Variants in N4BP2L2 observed in about 807,000 individuals in gnomAD.
N4BP2L2 encodes the protein NEDD4 binding protein 2 like 2, also known as NEDD4-binding protein 2-like 2.
N4BP2L2 carries 50 observed loss-of-function variants against 56.2 expected under a neutral mutation model. That is an observed-to-expected ratio of 0.89 (90% CI 0.71 to 1.13). The LOEUF (loss-of-function observed/expected upper bound fraction) is 1.13. N4BP2L2 is among the 50% of genes most tolerant of loss of function. The pLI is 0.00. For missense variants in N4BP2L2, 689 were observed against 693.8 expected, an observed-to-expected ratio of 0.99 and a Z score of 0.08; for synonymous variants, 203 against 223.6, an observed-to-expected ratio of 0.91 and a Z score of 0.82.
intron 6 of N4BP2L2, among the ~76,000 whole-genome samples, chr13:32,458,679 C>T (rs1474677483): frequency 6.6e-6 from 1 of 152,132 alleles, no homozygotes; most frequent in East Asian, 1.9e-4. Flanking sequence ...GACTCTAGAA[C>T]AATAATATTA....
chr13:32,490,988 C>G (rs1246733581), intron 6 of N4BP2L2, among the ~76,000 whole-genome samples: 1 of 133,556 alleles, frequency 7.5e-6, no homozygotes, highest in African/African-American at 2.8e-5. Flanking sequence ...TCATTTTTCA[C>G]CCAGATTAAA....
chr13:32,473,758 C>G (rs745945126), intron 6 of N4BP2L2, among the ~76,000 whole-genome samples: 7 of 152,172 alleles, frequency 4.6e-5, no homozygotes, highest in Non-Finnish European at 7.3e-5. Context: ...TGCCTTTCTC[C>G]CATAGTCACG....
At chr13:32,497,828 A>G (rs1187243018) in intron 6 of N4BP2L2, among the ~76,000 whole-genome samples, 1 of 152,188 alleles carries the variant, frequency 6.6e-6, no homozygotes, top group African/African-American at 2.4e-5. Context: ...ATGTCCACAG[A>G]TGTTTCCTTC....
chr13:32,517,098 T>C (rs2049397960), exon 6 of N4BP2L2: 1 of 981,818 alleles, frequency 1.0e-6, no homozygotes, highest in Non-Finnish European at 1.2e-6. Flanking sequence ...AAGTAAAACA[T>C]TATTAGAATC....
At chr13:32,516,837 T>C (rs934400039) in exon 6 of N4BP2L2, 2 of 899,514 alleles carry the variant, frequency 2.2e-6, no homozygotes, top group African/African-American at 3.6e-5. Flanking sequence ...ATTATCTAGG[T>C]TAGTCTAGGT....
At chr13:32,439,891 T>TG (rs1203120267) in intron 7 of N4BP2L2, among the ~76,000 whole-genome samples, 2 of 148,692 alleles carry the variant, frequency 1.3e-5, no homozygotes, top group African/African-American at 4.9e-5. Context: ...CCGGGCGCAG[T>TG]GGCGGGCACC....
In N4BP2L2 at chr13:32,527,802, G is replaced by A. The variant is rs1566181135; in HGVS notation, c.1260-270C>T. On this transcript the variant is annotated intron_variant, in intron 2 of 5. Coordinates refer to ENST00000267068, the Ensembl canonical transcript of N4BP2L2. ...CTCTTTTTTTTTTTTTTTTTAGATG[G>A]TCTCTGTCGCCCAGGCTGGAGTGCA... Among the ~76,000 whole-genome samples the A allele has an allele frequency of 3.4e-5, 5 of 146,714 alleles. No homozygotes were observed. In the South Asian group the frequency reaches 1.1e-3, roughly 31 times the overall value.
chr13:32,449,125 C>G (rs1227765386), intron 6 of N4BP2L2, among the ~76,000 whole-genome samples: 2 of 152,232 alleles, frequency 1.3e-5, no homozygotes, highest in East Asian at 3.8e-4. Flanking sequence ...ATGACTCACA[C>G]TAAATGCTCC....
chr13:32,525,779 G>C (rs2052551400), intron 3 of N4BP2L2, among the ~76,000 whole-genome samples: 1 of 152,078 alleles, frequency 6.6e-6, no homozygotes, highest in Admixed American at 6.6e-5. Context: ...ACCCTAGTTG[G>C]CAGCTTTGAG....
At chr13:32,491,562 CTATA>C (rs1220351103) in intron 6 of N4BP2L2, among the ~76,000 whole-genome samples, 7 of 145,840 alleles carry the variant, frequency 4.8e-5, no homozygotes, top group Admixed American at 2.8e-4. Flanking sequence ...ATAAACTATA[CTATA>C]TATAAACTAT....
chr13:32,496,696 GAAGGT>G (rs1181472514), intron 6 of N4BP2L2, among the ~76,000 whole-genome samples: 2 of 152,150 alleles, frequency 1.3e-5, no homozygotes, highest in Non-Finnish European at 2.9e-5. Context: ...TTTTTTTAAA[GAAGGT>G]AAGTGAGAAA....
At position 32,503,172 on chromosome 13, in the gene N4BP2L2, C is replaced by CAAAAAA. The variant is rs35773755; in HGVS notation, c.365+14679_365+14684dup. Among the ~76,000 whole-genome samples the CAAAAAA allele has an allele frequency of 2.3e-3, 135 of 57,990 alleles. 8 individuals are homozygous for CAAAAAA. Among genetic ancestry groups the CAAAAAA allele is most frequent in the African/African-American group, 7.2e-3 (117 of 16,346 alleles). 38.0% of individuals were successfully genotyped at this position (57,990 alleles called of 152,430 possible). Reference sequence around the variant, plus strand: ...TAGGTGACAGAGCAAGACTCTGTAGCAAAAAAAAAAAAAAAAAAAAAAAAA... The same window carrying CAAAAAA: ...TAGGTGACAGAGCAAGACTCTGTAGCAAAAAAAAAAAAAAAAAAAAAAAAAAAAAAA... On this transcript the variant is annotated intron_variant, in intron 6 of 9. Coordinates refer to the N4BP2L2 transcript ENST00000357505.
chr13:32,443,462 T>C, exon 7 of N4BP2L2: 2 of 1,613,800 alleles, frequency 1.2e-6, no homozygotes, highest in South Asian at 1.1e-5. Flanking sequence ...TGATTGATTT[T>C]AGTTGTATAC....
chr13:32,510,786 C>T (rs2047963750), exon 6 of N4BP2L2: 1 of 152,220 alleles, frequency 6.6e-6, no homozygotes, highest in Non-Finnish European at 1.5e-5. Flanking sequence ...GCGTGAGCCA[C>T]TGCACCTGGC....
rs1267838769 is a variant in N4BP2L2, at chr13:32,457,830, G to A, written c.366-13704C>T. On this transcript the variant is annotated intron_variant, in intron 6 of 9. Transcript: ENST00000357505. ...CAAACACAAAAATGAAAAAGAGAAG[G>A]GATTCAAATGTTACTACTATTGAAA... Among the ~76,000 whole-genome samples, 3 of 151,786 alleles carry A rather than the reference G, an allele frequency of 2.0e-5. No individual in the cohort carries two copies. The East Asian group carries it at 5.8e-4, about 29-fold the overall frequency.
At chr13:32,526,029 C>CAAAAA (rs1274880215) in intron 3 of N4BP2L2, among the ~76,000 whole-genome samples, 1 of 37,424 alleles carries the variant, frequency 2.7e-5, no homozygotes, top group Admixed American at 2.6e-4. Context: ...ATCTGCTTGC[C>CAAAAA]AAAAAAAAAA....
intron 6 of N4BP2L2, among the ~76,000 whole-genome samples, chr13:32,487,555 C>G (rs1359142905): frequency 6.6e-6 from 1 of 151,420 alleles, no homozygotes; most frequent in Non-Finnish European, 1.5e-5. Context: ...GCCTGTAATC[C>G]CAGCTACTCG....
exon 6 of N4BP2L2, chr13:32,511,469 C>G (rs2048122920): frequency 6.6e-6 from 1 of 152,134 alleles, no homozygotes. Flanking sequence ...TATTTTTTCT[C>G]AAATCCATAC....
At chr13:32,482,841 G>T (rs2085063962) in intron 6 of N4BP2L2, among the ~76,000 whole-genome samples, 1 of 152,056 alleles carries the variant, frequency 6.6e-6, no homozygotes, top group Non-Finnish European at 1.5e-5. Context: ...TTTTGTTTTG[G>T]CTACAAAATT....
Sources: allele counts gnomAD v4.1 joint callset (sites outside exome capture counted in the v4.1 genomes callset), GRCh38; gene constraint gnomAD v4.1.1; transcripts MANE v1.5; gene names NCBI Gene and HGNC (gene_info 2026-07-23, HGNC 2026-07-21).